Variants in SPATA13 observed in about 807,000 individuals in gnomAD.
The protein encoded by SPATA13 is spermatogenesis-associated protein 13.
SPATA13 carries 50 observed loss-of-function variants against 104.0 expected under a neutral mutation model. The ratio of observed to expected loss-of-function variants is 0.48; its 90% CI spans 0.38 to 0.61. The LOEUF is 0.61. SPATA13 is among the 20% of genes least tolerant of loss of function. The pLI is 0.00. For missense variants in SPATA13, 1,524 were observed against 1,690.6 expected (o/e 0.90, Z 1.73); for synonymous variants, 606 against 667.5 (o/e 0.91, Z 1.42).
At chr13:24,123,578 T>C (rs1410064637) in intron 3 of SPATA13, 67 of 1,608,728 alleles carry the variant, frequency 4.2e-5, no homozygotes, top group Admixed American at 2.5e-4. Flanking sequence ...TCTTTTGCAG[T>C]ACCTCTTTCC....
chr13:24,252,566 G>A (rs886572011), intron 4 of SPATA13, among the ~76,000 whole-genome samples: 5 of 152,038 alleles, frequency 3.3e-5, no homozygotes, highest in African/African-American at 1.2e-4. Context: ...AGAACAGGCA[G>A]AAATAACAGT....
At chr13:24,137,839 C>T (rs2138452553) in intron 3 of SPATA13, among the ~76,000 whole-genome samples, 1 of 152,254 alleles carries the variant, frequency 6.6e-6, no homozygotes, top group Non-Finnish European at 1.5e-5. Context: ...TGTGCGTCAT[C>T]AGAGGTTAGG....
At chr13:24,201,251 A>G (rs1415925395) in intron 1 of SPATA13, among the ~76,000 whole-genome samples, 2 of 152,024 alleles carry the variant, frequency 1.3e-5, no homozygotes, top group African/African-American at 2.4e-5. Context: ...TGTGCCACTC[A>G]TCATCAGCTG....
At position 24,294,771 on chromosome 13, in the gene SPATA13, C is replaced by T. The variant is rs1876634944; in HGVS notation, c.3113C>T (p.Ala1038Val). The T allele has an allele frequency of 6.2e-7, 1 of 1,607,066 alleles. No homozygotes were observed. The highest frequency in any genetic ancestry group is 8.5e-7 in the Non-Finnish European group (1 of 1,174,018). ...DYSNIKAAYE[A>V]MKNVACLINE... Reference sequence around the variant, plus strand: ...AGCAACATAAAGGCAGCATATGAGGCCATGAAGAATGTGGCCTGTCTGATC... The same window carrying T: ...AGCAACATAAAGGCAGCATATGAGGTCATGAAGAATGTGGCCTGTCTGATC... Residue 1038 changes from alanine (A) to valine (V), a missense_variant, in exon 10 of 13, where the codon GCC (alanine) becomes GTC (valine). By Grantham distance (64) the Ala-to-Val change is moderately conservative. Coordinates refer to ENST00000382108, the MANE Select transcript of SPATA13 (RefSeq NM_001166271.3).
chr13:24,293,612 TA>T (rs1180748402), intron 9 of SPATA13, among the ~76,000 whole-genome samples: 2 of 152,208 alleles, frequency 1.3e-5, no homozygotes, highest in East Asian at 1.9e-4. Flanking sequence ...AAAATTCTTT[TA>T]AAAAAACCAT....
intron 3 of SPATA13, among the ~76,000 whole-genome samples, chr13:24,126,882 G>A (rs924437726): frequency 1.3e-5 from 2 of 152,124 alleles, no homozygotes; most frequent in Non-Finnish European, 2.9e-5. Flanking sequence ...TATTAACTTA[G>A]CAGCTCTAGG....
chr13:24,130,966 C>G (rs548913780), intron 3 of SPATA13, among the ~76,000 whole-genome samples: 1 of 152,120 alleles, frequency 6.6e-6, no homozygotes, highest in Non-Finnish European at 1.5e-5. Context: ...AGGGGTGGAG[C>G]GGGGGACGCT....
At chr13:24,245,084 A>G (rs1321591823) in intron 2 of SPATA13, among the ~76,000 whole-genome samples, 2 of 152,178 alleles carry the variant, frequency 1.3e-5, no homozygotes, top group South Asian at 2.1e-4. Flanking sequence ...TTTAGAGGAC[A>G]TGGCTATGCC....
At chr13:24,082,089 G>A (rs1379554433) in intron 3 of SPATA13, among the ~76,000 whole-genome samples, 2 of 152,230 alleles carry the variant, frequency 1.3e-5, no homozygotes, top group African/African-American at 4.8e-5. Flanking sequence ...ATCATAGCAA[G>A]GATGATGTCC....
chr13:24,297,551 G>A lies in SPATA13; in HGVS notation c.3399G>A (p.Glu1133=). 1 of 1,614,228 alleles carries A rather than the reference G, an allele frequency of 6.2e-7. No homozygotes were observed. The highest frequency in any genetic ancestry group is 8.5e-7 in the Non-Finnish European group (1 of 1,180,048). ...GCCGGCTGGACATGGATGAGATGGAGCTTGTGGACCTGGGGGATGGGCGCG... is the reference window on the plus strand; with the variant it reads ...GCCGGCTGGACATGGATGAGATGGAACTTGTGGACCTGGGGGATGGGCGCG... The part of the protein sequence containing the change: ...YKGRLDMDEM[E]LVDLGDGRDK... The change falls in exon 11 of 13, where the codon GAG becomes GAA. Residue 1133 remains glutamate, a synonymous_variant. Transcript: ENST00000382108.
intron 3 of SPATA13, among the ~76,000 whole-genome samples, chr13:24,035,335 AAT>A (rs1877637274): frequency 2.0e-5 from 3 of 152,114 alleles, no homozygotes; most frequent in African/African-American, 7.2e-5. Flanking sequence ...TTATATTTTT[AAT>A]AGAGACAGGT....
At chr13:24,285,509 G>GCCTT (rs1451077772) in intron 5 of SPATA13, among the ~76,000 whole-genome samples, 1 of 151,878 alleles carries the variant, frequency 6.6e-6, no homozygotes, top group Non-Finnish European at 1.5e-5. Flanking sequence ...CTGCCTGCCT[G>GCCTT]CCTTCCTCCC....
intron 3 of SPATA13, among the ~76,000 whole-genome samples, chr13:24,107,590 C>T (rs1205618064): frequency 6.6e-6 from 1 of 152,204 alleles, no homozygotes; most frequent in African/African-American, 2.4e-5. Flanking sequence ...TCCATGCCAA[C>T]TCTTAGCACT....
At chr13:24,156,007 C>T (rs1566124199), upstream of SPATA13, among the ~76,000 whole-genome samples, 1 of 152,098 alleles carries the variant, frequency 6.6e-6, no homozygotes, top group Non-Finnish European at 1.5e-5. Flanking sequence ...CAGCGTGTGT[C>T]GGAATTTTGT....
At chr13:24,000,316 G>T (rs959093798) in intron 2 of SPATA13, among the ~76,000 whole-genome samples, 1 of 152,160 alleles carries the variant, frequency 6.6e-6, no homozygotes, top group East Asian at 1.9e-4. Flanking sequence ...CTGATACAAA[G>T]ATAGAAAAGG....
At chr13:24,211,813 C>T (rs1288220241) in intron 1 of SPATA13, among the ~76,000 whole-genome samples, 1 of 152,272 alleles carries the variant, frequency 6.6e-6, no homozygotes, top group East Asian at 1.9e-4. Context: ...GGCCTAGGCT[C>T]CCCCACCCTG....
chr13:24,094,653 GGAGGCT>G (rs1471627221), intron 3 of SPATA13, among the ~76,000 whole-genome samples: 5 of 152,138 alleles, frequency 3.3e-5, no homozygotes, highest in Non-Finnish European at 7.4e-5. Flanking sequence ...CAGCTGTTGG[GGAGGCT>G]GAGGCAGGAA....
chr13:24,150,786 C>T (rs1322352426), intron 3 of SPATA13, among the ~76,000 whole-genome samples: 1 of 152,126 alleles, frequency 6.6e-6, no homozygotes. Flanking sequence ...ATGACTGTCC[C>T]CTGATTGGAC....
chr13:24,058,591 A>C (rs1326624501), intron 3 of SPATA13, among the ~76,000 whole-genome samples: 1 of 151,948 alleles, frequency 6.6e-6, no homozygotes, highest in Non-Finnish European at 1.5e-5. Flanking sequence ...TACTAACTTC[A>C]TAACTTTCTT....
Sources: allele counts gnomAD v4.1 joint callset (sites outside exome capture counted in the v4.1 genomes callset), GRCh38; gene constraint gnomAD v4.1.1; transcripts MANE v1.5; gene names NCBI Gene and HGNC (gene_info 2026-07-23, HGNC 2026-07-21).